The following KLHL32 variants were observed in gnomAD, a reference collection of about 807,000 sequenced individuals.
KLHL32 encodes the protein kelch-like protein 32.
KLHL32 carries 35 observed loss-of-function variants against 64.8 expected under a neutral mutation model. The observed-to-expected ratio is 0.54, with a 90% CI of 0.41 to 0.72. The LOEUF (loss-of-function observed/expected upper bound fraction) is 0.72. KLHL32 is among the 30% of genes least tolerant of loss of function. The pLI is 0.00. For missense variants in KLHL32, 589 were observed against 768.5 expected (o/e 0.77, Z 2.76); for synonymous variants, 259 against 281.0 (o/e 0.92, Z 0.78).
At chr6:96,939,088 G>A (rs967640253) in intron 1 of KLHL32, among the ~76,000 whole-genome samples, 8 of 152,112 alleles carry the variant, frequency 5.3e-5, no homozygotes, top group African/African-American at 1.9e-4. Context: ...ACAACTATGA[G>A]ACATGGGCCA....
At chr6:96,942,794 G>A (rs547442653) in intron 1 of KLHL32, among the ~76,000 whole-genome samples, 1 of 151,950 alleles carries the variant, frequency 6.6e-6, no homozygotes, top group Non-Finnish European at 1.5e-5. Flanking sequence ...TTATTCTGAT[G>A]CCACCACCTC....
chr6:96,993,608 T>C (rs1778125630), intron 3 of KLHL32, among the ~76,000 whole-genome samples: 1 of 152,172 alleles, frequency 6.6e-6, no homozygotes, highest in South Asian at 2.1e-4. Flanking sequence ...TTTGTTGCCA[T>C]TGTTGCACCC....
intron 1 of KLHL32, among the ~76,000 whole-genome samples, chr6:96,932,540 T>C (rs1359240317): frequency 2.0e-5 from 3 of 150,900 alleles, no homozygotes; most frequent in East Asian, 2.0e-4. Flanking sequence ...TCTCACCTTG[T>C]ACTGTTTCAC....
chr6:96,994,836 C>T (rs1206113), intron 3 of KLHL32, among the ~76,000 whole-genome samples: 13,760 of 152,256 alleles, frequency 0.09, 691 homozygotes, highest in Non-Finnish European at 0.12. Context: ...CAGACCAGGA[C>T]TTCTTTCATC....
At chr6:97,008,924 G>T (rs915068830) in intron 3 of KLHL32, among the ~76,000 whole-genome samples, 1 of 152,046 alleles carries the variant, frequency 6.6e-6, no homozygotes, top group African/African-American at 2.4e-5. Flanking sequence ...CTCCCCAGCC[G>T]CATTTTTATA....
intron 1 of KLHL32, among the ~76,000 whole-genome samples, chr6:96,935,153 G>A (rs1364422615): frequency 6.6e-6 from 1 of 152,174 alleles, no homozygotes; most frequent in East Asian, 1.9e-4. Context: ...GTAATTTTAA[G>A]AGAATTCATT....
At chr6:97,131,126 G>A (rs1799396529) in intron 9 of KLHL32, among the ~76,000 whole-genome samples, 177 bp downstream of exon 9, 1 of 152,122 alleles carries the variant, frequency 6.6e-6, no homozygotes, top group African/African-American at 2.4e-5. Context: ...ACTCATTTAG[G>A]TAGCTGAGCA....
rs151156839 is a variant in KLHL32 at position 96,988,974 on chromosome 6, G to A, written c.204+12797G>A. Among the ~76,000 whole-genome samples, 1,498 of 152,208 alleles carry A rather than the reference G, an allele frequency of 9.8e-3. 14 individuals are homozygous for A. The highest frequency in any genetic ancestry group is 0.02 in the African/African-American group (818 of 41,512). ...TGTTGTGGGGTTGGGGGAGGGAGGA[G>A]GGATAGCATTAGGAGATATACCTAA... On this transcript the variant is annotated intron_variant, in intron 3 of 10. Transcript: ENST00000369261.
intron 3 of KLHL32, among the ~76,000 whole-genome samples, chr6:96,986,350 T>A (rs944569138): frequency 6.6e-5 from 10 of 152,186 alleles, no homozygotes; most frequent in Admixed American, 1.3e-4. Context: ...GTCTGTCCGT[T>A]CTTAGATGTC....
At chr6:97,010,876 C>A (rs1780319125) in intron 3 of KLHL32, among the ~76,000 whole-genome samples, 1 of 152,144 alleles carries the variant, frequency 6.6e-6, no homozygotes, top group South Asian at 2.1e-4. Context: ...TTTTGGACAG[C>A]ATATTAGAAA....
intron 7 of KLHL32, 109 bp from the exon 8 acceptor site, chr6:97,127,295 A>C: frequency 1.1e-6 from 1 of 877,804 alleles, no homozygotes; most frequent in South Asian, 1.5e-5. Flanking sequence ...AGGGTATACA[A>C]ACAGATCCTC....
chr6:96,923,680 G>A (rs1768838388), upstream of KLHL32, among the ~76,000 whole-genome samples: 1 of 152,180 alleles, frequency 6.6e-6, no homozygotes, highest in Non-Finnish European at 1.5e-5. Context: ...ACTGTTCCTA[G>A]CCCAACTCTG....
At chr6:96,960,875 T>C (rs1313570341) in intron 1 of KLHL32, among the ~76,000 whole-genome samples, 1 of 152,198 alleles carries the variant, frequency 6.6e-6, no homozygotes, top group Non-Finnish European at 1.5e-5. Flanking sequence ...AGTTTAATTA[T>C]TGTCTAAAGA....
At chr6:97,071,374 A>T (rs549709198) in intron 5 of KLHL32, among the ~76,000 whole-genome samples, 16 of 151,760 alleles carry the variant, frequency 1.1e-4, no homozygotes, top group African/African-American at 3.9e-4. Flanking sequence ...GCTCTCTCCT[A>T]TTCTCCTCCT....
intron 3 of KLHL32, among the ~76,000 whole-genome samples, chr6:96,978,496 A>G (rs1775953070): frequency 6.6e-6 from 1 of 152,028 alleles, no homozygotes; most frequent in Non-Finnish European, 1.5e-5. Context: ...ATGACTGTGT[A>G]GTATTCCACA....
At chr6:97,096,842 G>A (rs922596701) in intron 6 of KLHL32, among the ~76,000 whole-genome samples, 5 of 152,178 alleles carry the variant, frequency 3.3e-5, no homozygotes, top group East Asian at 3.9e-4. Flanking sequence ...GCAGTGAGAC[G>A]GGGGGAAAAC....
At chr6:97,119,504 T>G (rs965543001) in intron 7 of KLHL32, among the ~76,000 whole-genome samples, 5 of 152,168 alleles carry the variant, frequency 3.3e-5, no homozygotes, top group African/African-American at 1.2e-4. Flanking sequence ...CACTGCATTT[T>G]TTAATTGGGA....
chr6:97,035,404 T>C (rs754639326), intron 3 of KLHL32, among the ~76,000 whole-genome samples: 11 of 152,144 alleles, frequency 7.2e-5, no homozygotes, highest in Non-Finnish European at 1.2e-4. Context: ...TATATTTGTC[T>C]GTATATTTAA....
intron 3 of KLHL32, among the ~76,000 whole-genome samples, chr6:97,012,324 C>T (rs1013993407): frequency 4.6e-5 from 7 of 152,278 alleles, no homozygotes; most frequent in African/African-American, 1.7e-4. Context: ...AAAGAGTCAG[C>T]AGAGTCACAG....
Sources: gnomAD v4.1 joint callset for allele counts (sites outside exome capture counted in the v4.1 genomes callset) on GRCh38, gnomAD v4.1.1 for gene constraint, MANE v1.5 for transcripts, NCBI Gene and HGNC (gene_info 2026-07-23, HGNC 2026-07-21) for gene names.